TSC22D1: variants seen among roughly 807,000 people sequenced by gnomAD.
TSC22D1 encodes TSC22 domain family protein 1.
TSC22D1 carries 9 observed loss-of-function variants against 74.2 expected under a neutral mutation model. That is an observed-to-expected ratio of 0.12 (90% CI 0.07 to 0.21). The LOEUF is 0.21. Ranked by LOEUF, TSC22D1 falls within the 10% of genes least tolerant of loss-of-function variation. The probability of loss-of-function intolerance (pLI) is 1.00; values close to 1 mark genes in which losing one functional copy is unlikely to be tolerated. For missense variants in TSC22D1, 1,427 were observed against 1,304.7 expected, an observed-to-expected ratio of 1.09 and a Z score of -1.44; for synonymous variants, 586 against 492.5, an observed-to-expected ratio of 1.19 and a Z score of -2.51.
Position 44,575,431 on chromosome 13 carries a change from G to C in TSC22D1, c.644C>G (p.Ala215Gly). 6.2e-7 allele frequency: 1 copy of C among 1,614,016 alleles called. No homozygotes were observed. The highest frequency in any genetic ancestry group is 2.2e-5 in the East Asian group (1 of 44,876). ...PQQNVVINGNAHPHHLHHHHQ... is the reference protein window; with the variant it reads ...PQQNVVINGNGHPHHLHHHHQ... ...GTGGTGATGGAGGTGGTGTGGATGAGCATTCCCATTGATCACAACATTCTG... is the reference window on the plus strand; with the variant it reads ...GTGGTGATGGAGGTGGTGTGGATGACCATTCCCATTGATCACAACATTCTG... Residue 215 changes from alanine to glycine, a missense_variant, in exon 1 of 3, where the codon GCT becomes GGT. This residue lies in a region of TSC22D1 where 1,343 missense variants were observed against 1,191.5 expected (regional missense o/e 1.13). Transcript: ENST00000458659.
chr13:44,543,068 T>C (rs556042419), intron 1 of TSC22D1, among the ~76,000 whole-genome samples: 2 of 152,128 alleles, frequency 1.3e-5, no homozygotes, highest in Non-Finnish European at 2.9e-5. Flanking sequence ...TACCAGTACA[T>C]CAATGAAATC....
chr13:44,567,436 T>A (rs1468671989), intron 1 of TSC22D1, among the ~76,000 whole-genome samples: 1 of 149,530 alleles, frequency 6.7e-6, no homozygotes, highest in African/African-American at 2.5e-5. Flanking sequence ...GGCTATAAGA[T>A]GAAAGATAAA....
At chr13:44,486,931 T>A (rs1020610592) in intron 1 of TSC22D1, among the ~76,000 whole-genome samples, 2 of 152,016 alleles carry the variant, frequency 1.3e-5, no homozygotes, top group Non-Finnish European at 2.9e-5. Context: ...TATGAAGTAG[T>A]CAGAAGGAAT....
chr13:44,476,321 G>C (rs1443479039), intron 1 of TSC22D1, among the ~76,000 whole-genome samples: 1 of 151,914 alleles, frequency 6.6e-6, no homozygotes, highest in Non-Finnish European at 1.5e-5. Context: ...AATACATTAT[G>C]TTTATTATAA....
chr13:44,460,078 C>T (rs1222875497), intron 1 of TSC22D1, among the ~76,000 whole-genome samples: 1 of 152,200 alleles, frequency 6.6e-6, no homozygotes, highest in African/African-American at 2.4e-5. Context: ...AAAAGCGACA[C>T]CCCAAGGATC....
At chr13:44,455,349 G>T (rs1012568302) in intron 1 of TSC22D1, among the ~76,000 whole-genome samples, 44 of 152,314 alleles carry the variant, frequency 2.9e-4, no homozygotes, top group African/African-American at 9.9e-4. Context: ...TCATAGGACT[G>T]CGCAGTAACC....
chr13:44,468,059 A>G lies in TSC22D1; in HGVS notation c.2913-31964T>C, dbSNP rs182382001. On this transcript the variant is annotated intron_variant, in intron 1 of 2. Transcript: ENST00000458659. ...AGAACAGCCATATAAGAACAAAATAATATCTTTTGCAGCAACTTGGACAGA... is the reference window on the plus strand; with the variant it reads ...AGAACAGCCATATAAGAACAAAATAGTATCTTTTGCAGCAACTTGGACAGA... Among the ~76,000 whole-genome samples, 28 of 152,260 alleles carry G rather than the reference A, an allele frequency of 1.8e-4. 1 individual carries two copies. The East Asian group carries it at 5.4e-3, about 29-fold the overall frequency.
rs1877428461 is a variant in TSC22D1 at position 44,468,612 on chromosome 13, A to G, written c.2913-32517T>C. ...CCTTCCACCTGCAACAAACCAAGTA[A>G]TTTTTTGAGGTAGCTGGTATTTAAT... On this transcript the variant is annotated intron_variant, in intron 1 of 2. Coordinates refer to ENST00000458659, the MANE Select transcript of TSC22D1 (RefSeq NM_183422.4). Among the ~76,000 whole-genome samples, 4 of 149,534 alleles carry G rather than the reference A, an allele frequency of 2.7e-5. No homozygotes were observed. In the South Asian group the frequency reaches 6.4e-4, roughly 24 times the overall value.
intron 1 of TSC22D1, among the ~76,000 whole-genome samples, chr13:44,460,123 G>A (rs369300156): frequency 3.3e-5 from 5 of 152,218 alleles, no homozygotes; most frequent in African/African-American, 1.2e-4. Context: ...ATTTAAAAGA[G>A]ATAACACAAG....
chr13:44,501,790 TGA>T (rs1484709250), intron 1 of TSC22D1, among the ~76,000 whole-genome samples: 2 of 152,192 alleles, frequency 1.3e-5, no homozygotes, highest in African/African-American at 4.8e-5. Flanking sequence ...TGTATGTGTG[TGA>T]GAGAGAAAAC....
rs746627340 is a variant in TSC22D1, at chr13:44,575,362, T to C, written c.713A>G (p.His238Arg). The change falls in exon 1 of 3, where the codon CAT becomes CGT. Residue 238 changes from histidine to arginine, a missense_variant. This residue lies in a region of TSC22D1 where 1,343 missense variants were observed against 1,191.5 expected (regional missense o/e 1.13). Coordinates refer to ENST00000458659, the MANE Select transcript of TSC22D1 (RefSeq NM_183422.4). ...HGHHLQHGHH[H>R]PSHVAVASAS... ...ACTGGCCACAGCAACATGAGATGGA[T>C]GGTGGTGACCATGTTGGAGGTGGTG... 1 of 1,614,130 alleles carries C rather than the reference T, an allele frequency of 6.2e-7. No homozygotes were observed.
In TSC22D1 at chr13:44,450,410, TA is replaced by T. The variant is rs544090258; in HGVS notation, c.2913-14316del. Among the ~76,000 whole-genome samples the T allele has an allele frequency of 1.8e-4, 28 of 152,268 alleles. No homozygotes were observed. The South Asian group carries it at 4.8e-3, about 26-fold the overall frequency. On this transcript the variant is annotated intron_variant, in intron 1 of 2. Coordinates refer to ENST00000458659, the MANE Select transcript of TSC22D1 (RefSeq NM_183422.4). ...CAATGAAGGTCCACATAATAGGGTT[TA>T]AAGGGGGCAAATGATGCAATGGGAT...
intron 1 of TSC22D1, among the ~76,000 whole-genome samples, chr13:44,476,791 C>G (rs1206566303): frequency 6.6e-6 from 1 of 152,154 alleles, no homozygotes; most frequent in African/African-American, 2.4e-5. Flanking sequence ...ATCCTCCTGC[C>G]TCAGCAGCCC....
At chr13:44,538,703 G>C in intron 1 of TSC22D1, 1 of 985,314 alleles carries the variant, frequency 1.0e-6, no homozygotes, top group Non-Finnish European at 1.2e-6. Flanking sequence ...ATTCTTAAAA[G>C]TTTATAAATG....
At chr13:44,570,461 G>A (rs562320237) in intron 1 of TSC22D1, among the ~76,000 whole-genome samples, 2 of 151,874 alleles carry the variant, frequency 1.3e-5, no homozygotes, top group Non-Finnish European at 2.9e-5. Context: ...CAAAGTGCTG[G>A]GATTACAGGT....
At chr13:44,513,947 A>G (rs928398928) in intron 1 of TSC22D1, among the ~76,000 whole-genome samples, 2 of 152,244 alleles carry the variant, frequency 1.3e-5, no homozygotes, top group African/African-American at 4.8e-5. Flanking sequence ...CATGTAGTAG[A>G]AAAGTTGCTA....
intron 1 of TSC22D1, among the ~76,000 whole-genome samples, chr13:44,517,360 A>AC (rs397765722): frequency 1.6e-4 from 25 of 151,926 alleles, no homozygotes; most frequent in African/African-American, 5.8e-4. Flanking sequence ...ACACACACAC[A>AC]AATGTACTCC....
chr13:44,543,068 T>A (rs556042419), intron 1 of TSC22D1, among the ~76,000 whole-genome samples: 12 of 152,128 alleles, frequency 7.9e-5, no homozygotes, highest in Non-Finnish European at 1.5e-4. Flanking sequence ...TACCAGTACA[T>A]CAATGAAATC....
rs765989155 is a variant in TSC22D1, at chr13:44,434,888, AAAG to A, written c.2965-8_2965-6del. The stretch of plus-strand genomic sequence containing the variant: ...CAAATGGCTTTTCACTAGATCCTGG[AAAG>A]AAGACAGAAAAGGTTTAACTCATTA... On this transcript the variant is annotated splice_region_variant and splice_polypyrimidine_tract_variant and intron_variant, in intron 2 of 2. Transcript: ENST00000458659. The A allele has an allele frequency of 1.9e-6, 3 of 1,608,328 alleles. No individual in the cohort carries two copies. Among genetic ancestry groups the A allele is most frequent in the Middle Eastern group, 3.5e-4 (2 of 5,788 alleles).
Sources: gnomAD v4.1 joint callset for allele counts (sites outside exome capture counted in the v4.1 genomes callset) on GRCh38, gnomAD v4.1.1 for gene constraint, gnomAD v4.1.1 regional missense constraint, MANE v1.5 for transcripts, NCBI Gene and HGNC (gene_info 2026-07-23, HGNC 2026-07-21) for gene names.